RGS3: variants seen among roughly 807,000 people sequenced by gnomAD.
The protein encoded by RGS3 is regulator of G-protein signalling 3.
RGS3 carries 80 observed loss-of-function variants against 132.6 expected under a neutral mutation model. That is an observed-to-expected ratio of 0.60 (90% CI 0.50 to 0.73). The LOEUF (loss-of-function observed/expected upper bound fraction) is 0.73, where lower values mean the gene tolerates loss of function less well. Among genes scored for constraint, RGS3 ranks in the 30% least tolerant of loss-of-function variants. The pLI is 0.00. For synonymous variants in RGS3, 598 were observed against 620.6 expected (o/e 0.96, Z 0.54); for missense variants, 1,382 against 1,530.8 (o/e 0.90, Z 1.62).
chr9:113,589,250 C>T (rs1324601074), intron 20 of RGS3: 1 of 152,298 alleles, frequency 6.6e-6, no homozygotes, highest in East Asian at 1.9e-4. Flanking sequence ...TGAGGAGCCA[C>T]TCTGGCCCCC....
At chr9:113,489,818 C>T (rs1045013052) in intron 7 of RGS3, among the ~76,000 whole-genome samples, 1 of 152,056 alleles carries the variant, frequency 6.6e-6, no homozygotes, top group Non-Finnish European at 1.5e-5. Flanking sequence ...ACATGAGCTA[C>T]CGCAGAATTT....
intron 20 of RGS3, among the ~76,000 whole-genome samples, chr9:113,584,791 G>C (rs1035029813): frequency 6.6e-6 from 1 of 152,234 alleles, no homozygotes; most frequent in African/African-American, 2.4e-5. Flanking sequence ...CCATCAGCCA[G>C]TCACAATGAC....
chr9:113,513,455 T>C (rs1055505187), intron 14 of RGS3, among the ~76,000 whole-genome samples: 2 of 152,184 alleles, frequency 1.3e-5, no homozygotes, highest in Non-Finnish European at 2.9e-5. Context: ...CAGAGTCCTA[T>C]GGGGCACCTG....
intron 7 of RGS3, 84 bp downstream of exon 5, chr9:113,485,777 G>T (rs140426593): frequency 4.2e-6 from 4 of 946,820 alleles, no homozygotes; most frequent in South Asian, 1.4e-5. Flanking sequence ...CCAGGGGTTC[G>T]ATTAGTGCTT....
At position 113,528,650 on chromosome 9, in the gene RGS3, C is replaced by G. The variant is rs531477074; in HGVS notation, c.1871-571C>G. Among the ~76,000 whole-genome samples the G allele has an allele frequency of 9.3e-4, 141 of 152,290 alleles. 2 individuals carry two copies. The highest frequency in any genetic ancestry group is 3.2e-3 in the African/African-American group (133 of 41,558). On this transcript the variant is annotated intron_variant, in intron 17 of 24. Transcript: ENST00000350696. ...GAGGGGAGTTAGTGAATGGTTGCAA[C>G]TGGGATCCTGGACTAGGGGTTAGGA...
intron 3 of RGS3, among the ~76,000 whole-genome samples, chr9:113,478,009 T>C (rs189644998): frequency 5.9e-5 from 9 of 152,244 alleles, no homozygotes; most frequent in African/African-American, 2.2e-4. Flanking sequence ...GGAAGAGGAG[T>C]GTGACCCTCT....
intron 1 of RGS3, among the ~76,000 whole-genome samples, chr9:113,446,833 T>C (rs1829110519): frequency 6.6e-6 from 1 of 152,156 alleles, no homozygotes; most frequent in Non-Finnish European, 1.5e-5. Flanking sequence ...CTGTTGATGA[T>C]CCTGACAGAT....
chr9:113,595,586 G>T lies in RGS3; in HGVS notation c.3245-13G>T. The T allele has an allele frequency of 3.7e-6, 6 of 1,612,590 alleles. No homozygotes were observed. The highest frequency in any genetic ancestry group is 4.2e-6 in the Non-Finnish European group (5 of 1,178,818). On this transcript the variant is annotated splice_polypyrimidine_tract_variant and intron_variant, in intron 23 of 24. Coordinates refer to ENST00000350696, the Ensembl canonical transcript of RGS3. ...GAGTTTGCCTCTTACCCCAGGATCC[G>T]TTCTCCTCACAGACGGGTTAGCAGT... is the stretch of plus-strand genomic sequence containing the variant.
At chr9:113,454,062 C>T (rs545057756) in intron 1 of RGS3, among the ~76,000 whole-genome samples, 12 of 152,116 alleles carry the variant, frequency 7.9e-5, no homozygotes, top group East Asian at 1.9e-4. Context: ...CATCCTCCTG[C>T]CTCAGCTGCT....
intron 3 of RGS3, among the ~76,000 whole-genome samples, chr9:113,465,081 G>GTT (rs146668336): frequency 0.041 from 6,260 of 152,194 alleles, 167 homozygotes; most frequent in South Asian, 0.1. Context: ...TATGCCAAGT[G>GTT]TTTTACCTGC....
chr9:113,555,314 A>G (rs1249218915), intron 19 of RGS3, among the ~76,000 whole-genome samples: 1 of 152,166 alleles, frequency 6.6e-6, no homozygotes, highest in East Asian at 1.9e-4. Context: ...TGTCACAAAC[A>G]TATTTCAACA....
intron 20 of RGS3, among the ~76,000 whole-genome samples, chr9:113,586,600 C>T (rs898370637): frequency 6.6e-6 from 1 of 152,182 alleles, no homozygotes; most frequent in African/African-American, 2.4e-5. Flanking sequence ...CAGAGGCTGC[C>T]CCCAGCCTGG....
At chr9:113,446,584 T>C (rs960512828) in intron 1 of RGS3, among the ~76,000 whole-genome samples, 2 of 152,240 alleles carry the variant, frequency 1.3e-5, no homozygotes. Context: ...CATTTACATA[T>C]ATAAATTTAC....
At chr9:113,553,116 A>G in intron 19 of RGS3, among the ~76,000 whole-genome samples, 1 of 152,020 alleles carries the variant, frequency 6.6e-6, no homozygotes, top group Admixed American at 6.6e-5. Flanking sequence ...ACTAAATAAT[A>G]TCATATTATA....
exon 25 of RGS3, chr9:113,597,058 CTGTGT>C: frequency 5.0e-6 from 5 of 1,008,610 alleles, no homozygotes; most frequent in Non-Finnish European, 5.8e-6. Context: ...CCCCCAGAGG[CTGTGT>C]CTCTGGACAG....
chr9:113,504,450 C>T (rs964927054), intron 10 of RGS3, among the ~76,000 whole-genome samples: 1 of 152,206 alleles, frequency 6.6e-6, no homozygotes, highest in Non-Finnish European at 1.5e-5. Flanking sequence ...GGGACACTGC[C>T]AGGCTGTCCT....
intron 7 of RGS3, among the ~76,000 whole-genome samples, chr9:113,487,327 G>A (rs1045638497): frequency 2.0e-5 from 3 of 151,326 alleles, no homozygotes; most frequent in Non-Finnish European, 2.9e-5. Flanking sequence ...TAGCCAGGAT[G>A]GTCTCGATCT....
intron 19 of RGS3, among the ~76,000 whole-genome samples, chr9:113,577,937 C>T (rs1834607965): frequency 6.6e-6 from 1 of 152,254 alleles, no homozygotes; most frequent in Admixed American, 6.5e-5. Context: ...TCATGTCTTT[C>T]TTATTCCTTC....
chr9:113,584,031 G>C (rs1045215365), exon 20 of RGS3: 1 of 1,614,184 alleles, frequency 6.2e-7, no homozygotes, highest in Non-Finnish European at 8.5e-7. Flanking sequence ...GGGCAGAGCA[G>C]GGCTGCTCGG....
Sources: gnomAD v4.1 joint callset for allele counts (sites outside exome capture counted in the v4.1 genomes callset) on GRCh38, gnomAD v4.1.1 for gene constraint, MANE v1.5 for transcripts, NCBI Gene and HGNC (gene_info 2026-07-23, HGNC 2026-07-21) for gene names.